CNTNAP2: variants seen among roughly 807,000 people sequenced by gnomAD.
The protein encoded by CNTNAP2 is contactin-associated protein-like 2.
CNTNAP2 carries 98 observed loss-of-function variants against 155.2 expected under a neutral mutation model. That is an observed-to-expected ratio of 0.63 (90% CI 0.54 to 0.75). The LOEUF (loss-of-function observed/expected upper bound fraction) is 0.75, where lower values mean the gene tolerates loss of function less well. CNTNAP2 is among the 30% of genes least tolerant of loss of function. The pLI, the probability that CNTNAP2 is intolerant of heterozygous loss-of-function variation, is 0.00. For synonymous variants in CNTNAP2, 651 were observed against 631.2 expected, an observed-to-expected ratio of 1.03 and a Z score of -0.47; for missense variants, 1,727 against 1,688.1, an observed-to-expected ratio of 1.02 and a Z score of -0.40.
chr7:146,966,359 T>G (rs759026777), intron 3 of CNTNAP2, among the ~76,000 whole-genome samples: 1 of 152,188 alleles, frequency 6.6e-6, no homozygotes, highest in African/African-American at 2.4e-5. Flanking sequence ...CACACACTCT[T>G]ACATGAAAAT....
intron 1 of CNTNAP2, among the ~76,000 whole-genome samples, chr7:146,712,389 A>T (rs1274693429): frequency 6.9e-6 from 1 of 145,590 alleles, no homozygotes; most frequent in East Asian, 2.0e-4. Context: ...TGTATACTAT[A>T]TATATAAATA....
At chr7:146,468,240 C>A (rs1366421547) in intron 1 of CNTNAP2, among the ~76,000 whole-genome samples, 2 of 152,036 alleles carry the variant, frequency 1.3e-5, no homozygotes, top group Non-Finnish European at 2.9e-5. Context: ...TAAGAACATG[C>A]ATCATGGACA....
chr7:147,013,641 C>T (rs1340230296), intron 3 of CNTNAP2, among the ~76,000 whole-genome samples: 1 of 152,080 alleles, frequency 6.6e-6, no homozygotes, highest in East Asian at 1.9e-4. Context: ...TCATCCGTGT[C>T]CGTCTATCCC....
chr7:146,945,060 A>G (rs2129226486), intron 3 of CNTNAP2, among the ~76,000 whole-genome samples: 1 of 152,302 alleles, frequency 6.6e-6, no homozygotes, highest in African/African-American at 2.4e-5. Context: ...CGTGATAATA[A>G]ACATATAAAG....
rs140348876 is a variant in CNTNAP2, at chr7:146,491,520, A to T, written c.98-282751A>T. On this transcript the variant is annotated intron_variant, in intron 1 of 23. Transcript: ENST00000361727. ...GAATTATTATCTGAGCTGCAGTGTC[A>T]AGAGACTGACTCCCCAAAGATTAAC... 2.1e-3 allele frequency among the ~76,000 whole-genome samples: 325 copies of T among 152,166 alleles called. 2 individuals carry two copies. Among genetic ancestry groups the T allele is most frequent in the African/African-American group, 7.5e-3 (312 of 41,522 alleles).
intron 3 of CNTNAP2, among the ~76,000 whole-genome samples, chr7:146,865,137 A>G (rs1044641155): frequency 2.0e-5 from 3 of 152,098 alleles, no homozygotes; most frequent in African/African-American, 7.2e-5. Flanking sequence ...AAGACTTGAA[A>G]TACTAACAGT....
intron 2 of CNTNAP2, among the ~76,000 whole-genome samples, chr7:146,826,206 G>A (rs1803396972): frequency 6.6e-6 from 1 of 151,984 alleles, no homozygotes; most frequent in South Asian, 2.1e-4. Flanking sequence ...TTTTGTAAAT[G>A]TACCTCTGAC....
chr7:146,247,970 G>A (rs1353733778), intron 1 of CNTNAP2, among the ~76,000 whole-genome samples: 4 of 151,288 alleles, frequency 2.6e-5, no homozygotes, highest in Non-Finnish European at 5.9e-5. Context: ...ATAAGGGATC[G>A]GGGTGCAGAG....
chr7:147,469,397 G>C (rs2373137), intron 10 of CNTNAP2, among the ~76,000 whole-genome samples: 118,374 of 151,882 alleles, frequency 0.78, 46,501 homozygotes, highest in African/African-American at 0.87. Context: ...TATCAAGCAT[G>C]TGCCAGGCAC....
intron 3 of CNTNAP2, among the ~76,000 whole-genome samples, chr7:146,845,361 A>G (rs60625308): frequency 0.031 from 4,735 of 152,244 alleles, 256 homozygotes; most frequent in African/African-American, 0.11. Flanking sequence ...ATCTTGTTTC[A>G]TTTGTTTGTT....
chr7:147,092,389 AG>A (rs1240249290), intron 4 of CNTNAP2, among the ~76,000 whole-genome samples: 1 of 152,228 alleles, frequency 6.6e-6, no homozygotes, highest in Non-Finnish European at 1.5e-5. Flanking sequence ...TTTATTCAAA[AG>A]AAAATGCCAG....
chr7:146,682,659 G>A (rs1211655140), intron 1 of CNTNAP2, among the ~76,000 whole-genome samples: 2 of 152,146 alleles, frequency 1.3e-5, no homozygotes, highest in African/African-American at 4.8e-5. Flanking sequence ...ATGTAACTCT[G>A]TTGTGAAAAG....
At chr7:147,267,511 T>C (rs1804639630) in intron 8 of CNTNAP2, among the ~76,000 whole-genome samples, 1 of 152,022 alleles carries the variant, frequency 6.6e-6, no homozygotes, top group Non-Finnish European at 1.5e-5. Context: ...TTTCAAAATT[T>C]ACCCTCACTA....
intron 10 of CNTNAP2, among the ~76,000 whole-genome samples, chr7:147,404,279 C>T (rs1796965804): frequency 6.6e-6 from 1 of 152,178 alleles, no homozygotes; most frequent in South Asian, 2.1e-4. Flanking sequence ...GAAGCTAATT[C>T]TGAAAGAACT....
intron 15 of CNTNAP2, among the ~76,000 whole-genome samples, chr7:148,040,462 T>C (rs1031252930): frequency 2.6e-5 from 4 of 152,196 alleles, no homozygotes; most frequent in African/African-American, 7.2e-5. Flanking sequence ...CCAGCATCAA[T>C]ATTTTTCAAC....
At chr7:147,438,609 A>C (rs542568408) in intron 10 of CNTNAP2, among the ~76,000 whole-genome samples, 24 of 151,790 alleles carry the variant, frequency 1.6e-4, no homozygotes, top group African/African-American at 5.1e-4. Flanking sequence ...TGATACAGTG[A>C]TTTTGGAACT....
chr7:146,796,502 G>A (rs1802771254), intron 2 of CNTNAP2, among the ~76,000 whole-genome samples: 1 of 151,982 alleles, frequency 6.6e-6, no homozygotes, highest in Non-Finnish European at 1.5e-5. Flanking sequence ...TGGACCAGCT[G>A]GTGTCAGTAA....
intron 1 of CNTNAP2, among the ~76,000 whole-genome samples, chr7:146,151,588 G>A (rs781271840): frequency 4.4e-5 from 6 of 136,710 alleles, no homozygotes; most frequent in East Asian, 4.7e-4. Flanking sequence ...CCAAAATATC[G>A]AATGCAATGT....
intron 20 of CNTNAP2, among the ~76,000 whole-genome samples, chr7:148,238,086 C>T (rs1033545731): frequency 4.6e-5 from 7 of 152,180 alleles, no homozygotes; most frequent in African/African-American, 1.7e-4. Context: ...CGCGGTGGCT[C>T]ACGCCTGTAA....
Sources: allele counts gnomAD v4.1 joint callset (sites outside exome capture counted in the v4.1 genomes callset), GRCh38; gene constraint gnomAD v4.1.1; transcripts MANE v1.5; gene names NCBI Gene and HGNC (gene_info 2026-07-23, HGNC 2026-07-21).